Variants in MMP26 observed in about 807,000 individuals in gnomAD.
The protein encoded by MMP26 is matrix metalloproteinase-26.
A neutral mutation model predicts 31.0 loss-of-function variants in MMP26; 33 were observed. The ratio of observed to expected loss-of-function variants is 1.06; its 90% CI spans 0.81 to 1.42. The LOEUF (loss-of-function observed/expected upper bound fraction) is 1.42. Among genes scored for constraint, MMP26 ranks in the 40% most tolerant of loss-of-function variants. The pLI is 0.00. For synonymous variants in MMP26, 122 were observed against 114.9 expected, an observed-to-expected ratio of 1.06 and a Z score of -0.40; for missense variants, 347 against 316.1, an observed-to-expected ratio of 1.10 and a Z score of -0.74.
At chr11:4,804,025 A>G (rs982601332) in intron 2 of MMP26, 2 of 1,614,006 alleles carry the variant, frequency 1.2e-6, no homozygotes, top group Non-Finnish European at 1.7e-6. Context: ...GGCCATAGCC[A>G]TGAGCACCCC....
intron 2 of MMP26, among the ~76,000 whole-genome samples, chr11:4,842,608 C>G (rs888795796): frequency 9.9e-5 from 15 of 152,106 alleles, no homozygotes; most frequent in African/African-American, 3.6e-4. Context: ...CCCATCAGGT[C>G]CCTCTCTCCA....
rs570715840 is a variant in MMP26, at chr11:4,744,601, G to A, written c.-216-22669G>A. Among the ~76,000 whole-genome samples the A allele has an allele frequency of 2.6e-5, 4 of 152,172 alleles. No homozygotes were observed. In the South Asian group the frequency reaches 8.3e-4, roughly 32 times the overall value. Reference sequence around the variant, plus strand: ...TTTATGAGGAACTCAGCCCTATGAGGATCATTTACCTCGCCCCACAAAAAA... The same window carrying A: ...TTTATGAGGAACTCAGCCCTATGAGAATCATTTACCTCGCCCCACAAAAAA... On this transcript the variant is annotated intron_variant, in intron 1 of 7. Transcript: ENST00000380390.
At chr11:4,779,198 A>G (rs1443117748) in intron 2 of MMP26, among the ~76,000 whole-genome samples, 1 of 152,068 alleles carries the variant, frequency 6.6e-6, no homozygotes, top group Non-Finnish European at 1.5e-5. Flanking sequence ...TGCATAGGGA[A>G]TACTTAAACA....
rs1846967329 is a variant in MMP26 at position 4,989,778 on chromosome 11, T to C, written c.230T>C (p.Leu77Pro). 2 of 1,613,934 alleles carry C rather than the reference T, an allele frequency of 1.2e-6. No individual in the cohort carries two copies. The highest frequency in any genetic ancestry group is 2.7e-5 in the African/African-American group (2 of 75,044). ...CTTGACATGCAGATGCATGCTCTGC[T>C]ACACCAGCCCCACTGTGGGGTGCCT... ...DLLDMQMHAL[L>P]HQPHCGVPDG... Residue 77 changes from leucine (L) to proline (P), a missense_variant, in exon 4 of 8, where the codon CTA becomes CCA. Transcript: ENST00000380390.
chr11:4,724,920 A>C (rs1400496207), intron 1 of MMP26, among the ~76,000 whole-genome samples: 2 of 152,258 alleles, frequency 1.3e-5, no homozygotes, highest in Non-Finnish European at 2.9e-5. Flanking sequence ...GTTCCTGCCT[A>C]AATCTCACAA....
chr11:4,915,821 C>G, intron 2 of MMP26: 1 of 521,142 alleles, frequency 1.9e-6, no homozygotes, highest in East Asian at 2.9e-5. Flanking sequence ...TCTTTCTGGT[C>G]CTTGACTTCC....
In MMP26 at chr11:4,725,474, C is replaced by A. The variant is rs916492352; in HGVS notation, c.-217+20429C>A. On this transcript the variant is annotated intron_variant, in intron 1 of 7. Transcript: ENST00000380390. ...GAGGCAAATGGTGTCTTTGCAAGAA[C>A]TGCCAGCTTTTGTTGTCAGAGCCTT... Among the ~76,000 whole-genome samples, 98 of 152,192 alleles carry A rather than the reference C, an allele frequency of 6.4e-4. 1 individual carries two copies. Among genetic ancestry groups the A allele is most frequent in the African/African-American group, 2.0e-3 (84 of 41,574 alleles).
At chr11:4,954,587 G>A (rs145081829) in intron 2 of MMP26, among the ~76,000 whole-genome samples, 3,624 of 124,412 alleles carry the variant, frequency 0.029, 1,003 homozygotes, top group Middle Eastern at 0.06. Flanking sequence ...CTGAAATGGG[G>A]ACATAAGGCA....
intron 2 of MMP26, among the ~76,000 whole-genome samples, chr11:4,780,014 GT>G (rs1848837546): frequency 1.3e-5 from 2 of 152,100 alleles, no homozygotes; most frequent in Admixed American, 6.5e-5. Flanking sequence ...CCATGTTGCT[GT>G]ATGTAGTAGT....
At chr11:4,840,302 T>C (rs900086670) in intron 2 of MMP26, among the ~76,000 whole-genome samples, 1 of 152,146 alleles carries the variant, frequency 6.6e-6, no homozygotes, top group Non-Finnish European at 1.5e-5. Context: ...CAACTACAGA[T>C]TGTGGAGCCC....
intron 2 of MMP26, among the ~76,000 whole-genome samples, chr11:4,863,883 A>C (rs546343545): frequency 6.6e-6 from 1 of 152,322 alleles, no homozygotes; most frequent in East Asian, 1.9e-4. Flanking sequence ...CACTTATGCA[A>C]AACTTTTCTT....
At chr11:4,826,539 A>G (rs889712724) in intron 2 of MMP26, among the ~76,000 whole-genome samples, 4 of 152,108 alleles carry the variant, frequency 2.6e-5, no homozygotes, top group South Asian at 2.1e-4. Context: ...AAAGCTATGC[A>G]CTGCTGGAAC....
intron 2 of MMP26, among the ~76,000 whole-genome samples, chr11:4,953,110 A>C (rs1846390197): frequency 8.0e-6 from 1 of 125,380 alleles, no homozygotes; most frequent in African/African-American, 2.7e-5. Context: ...TAAAGCAATA[A>C]ATTTCTCTTT....
At chr11:4,914,623 G>T in intron 2 of MMP26, 1 of 831,850 alleles carries the variant, frequency 1.2e-6, no homozygotes, top group Non-Finnish European at 1.9e-6. Context: ...TGTTGAGTAA[G>T]TAAATGTCTC....
intron 2 of MMP26, among the ~76,000 whole-genome samples, chr11:4,800,303 G>A (rs1256000714): frequency 1.3e-5 from 2 of 152,224 alleles, no homozygotes; most frequent in South Asian, 2.1e-4. Flanking sequence ...CTGTGTGCCT[G>A]CAGACTTAAC....
At chr11:4,859,737 G>C in intron 2 of MMP26, 1 of 471,198 alleles carries the variant, frequency 2.1e-6, no homozygotes, top group South Asian at 1.5e-5. Context: ...CCATGACCAT[G>C]TGCACTACTG....
At chr11:4,893,616 G>T (rs1055480556) in intron 2 of MMP26, among the ~76,000 whole-genome samples, 1 of 152,106 alleles carries the variant, frequency 6.6e-6, no homozygotes, top group African/African-American at 2.4e-5. Flanking sequence ...CTATTTAAGT[G>T]TTTACAGTAA....
chr11:4,912,968 A>C (rs1032796483), intron 2 of MMP26: 3 of 152,126 alleles, frequency 2.0e-5, no homozygotes, highest in African/African-American at 7.2e-5. Context: ...AACAAGCTGT[A>C]ACTATTCAAA....
intron 2 of MMP26, among the ~76,000 whole-genome samples, chr11:4,807,475 G>C (rs1849287125): frequency 6.6e-6 from 1 of 152,176 alleles, no homozygotes; most frequent in South Asian, 2.1e-4. Context: ...CAGGGACATG[G>C]ATGAAGCTGG....
Sources: allele counts gnomAD v4.1 joint callset (sites outside exome capture counted in the v4.1 genomes callset), GRCh38; gene constraint gnomAD v4.1.1; transcripts MANE v1.5; gene names NCBI Gene and HGNC (gene_info 2026-07-23, HGNC 2026-07-21).